Variants in RPS6KA6 observed in about 807,000 individuals in gnomAD.
RPS6KA6 encodes ribosomal protein S6 kinase alpha-6.
RPS6KA6 carries 27 observed loss-of-function variants against 65.4 expected under a neutral mutation model. The ratio of observed to expected loss-of-function variants is 0.41; its 90% CI spans 0.30 to 0.57. The LOEUF (loss-of-function observed/expected upper bound fraction) is 0.57. RPS6KA6 is among the 20% of genes least tolerant of loss of function. The pLI is 0.24. For synonymous variants in RPS6KA6, 190 were observed against 184.2 expected (o/e 1.03, Z -0.26); for missense variants, 486 against 555.6 (o/e 0.87, Z 1.26).
intron 1 of RPS6KA6, among the ~76,000 whole-genome samples, chrX:84,184,678 T>C (rs2035903897): frequency 9.2e-6 from 1 of 109,123 alleles, no homozygotes; most frequent in Non-Finnish European, 1.9e-5. Flanking sequence ...ATCAGTAAAC[T>C]ACATACTCTC....
intron 20 of RPS6KA6, among the ~76,000 whole-genome samples, chrX:84,079,389 C>G (rs1157892500): frequency 9.0e-6 from 1 of 110,687 alleles, no homozygotes; most frequent in South Asian, 3.8e-4. Context: ...ACTGGGCAGC[C>G]GTTTTTGGGC....
chrX:84,153,457 T>C (rs954124889), intron 3 of RPS6KA6, among the ~76,000 whole-genome samples: 6 of 111,588 alleles, frequency 5.4e-5, no homozygotes, highest in African/African-American at 2.0e-4. Context: ...CTTGGTGTGC[T>C]TAGGACAGAA....
intron 3 of RPS6KA6, among the ~76,000 whole-genome samples, chrX:84,151,473 G>A (rs753885145): frequency 1.8e-5 from 2 of 110,261 alleles, no homozygotes; most frequent in Non-Finnish European, 3.8e-5. Flanking sequence ...AGTATCAGTT[G>A]TTTTTCTATG....
chrX:84,097,963 C>A, intron 18 of RPS6KA6, 115 bp from the exon 19 acceptor site: 1 of 509,490 alleles, frequency 2.0e-6, no homozygotes, highest in Non-Finnish European at 3.4e-6. Context: ...AAACTTCAAT[C>A]ATTTTATGCA....
intron 3 of RPS6KA6, among the ~76,000 whole-genome samples, chrX:84,150,612 C>T (rs1293619336): frequency 1.8e-5 from 2 of 109,109 alleles, no homozygotes; most frequent in Non-Finnish European, 3.8e-5. Context: ...AGCCAGAACA[C>T]ACACACCAGT....
intron 1 of RPS6KA6, among the ~76,000 whole-genome samples, chrX:84,175,787 TTC>T (rs1347705237): frequency 3.6e-5 from 4 of 111,830 alleles, no homozygotes; most frequent in Admixed American, 9.6e-5. Flanking sequence ...GTTCAGATAT[TTC>T]TTTGTACATT....
Position 84,063,841 on chromosome X carries a change from C to A in RPS6KA6, c.*436G>T, listed in dbSNP as rs1382299993. ...TTTATAATAAGTTTTTGTTGTTTTT[C>A]TTTCATTAGAAAAAGCCTATCCTTC... On this transcript the variant is annotated 3_prime_UTR_variant, in exon 22 of 22. Transcript: ENST00000262752. 1 of 111,849 alleles carries A rather than the reference C, an allele frequency of 8.9e-6. No homozygotes were observed. The highest frequency in any genetic ancestry group is 1.9e-5 in the Non-Finnish European group (1 of 53,338). The allele number at this position is 111,849 out of a possible 1,213,427, so 9.2% of individuals were successfully genotyped here.
intron 2 of RPS6KA6, among the ~76,000 whole-genome samples, chrX:84,162,280 AT>A (rs1404141330): frequency 1.8e-5 from 2 of 111,446 alleles, no homozygotes; most frequent in Non-Finnish European, 3.8e-5. Context: ...AAAGAAAAAA[AT>A]CGTAGCTGTA....
intron 20 of RPS6KA6, among the ~76,000 whole-genome samples, chrX:84,088,179 T>G (rs1439733450): frequency 9.0e-6 from 1 of 111,242 alleles, no homozygotes; most frequent in Non-Finnish European, 1.9e-5. Context: ...ATCTCAGTCA[T>G]TTGAAGGGGA....
At chrX:84,154,091 G>A (rs777441504) in intron 3 of RPS6KA6, among the ~76,000 whole-genome samples, 6 of 110,995 alleles carry the variant, frequency 5.4e-5, no homozygotes, top group South Asian at 3.8e-4. Flanking sequence ...TGTTTAATCC[G>A]TTTCCACCTT....
chrX:84,159,073 CAT>C (rs769192976), intron 2 of RPS6KA6, among the ~76,000 whole-genome samples: 24 of 109,249 alleles, frequency 2.2e-4, no homozygotes, highest in Non-Finnish European at 2.8e-4. Flanking sequence ...CACATATACA[CAT>C]GTGTGTATGT....
chrX:84,179,283 C>T lies in RPS6KA6; in HGVS notation c.81+8536G>A, dbSNP rs779397097. Among the ~76,000 whole-genome samples the T allele has an allele frequency of 6.3e-5, 7 of 111,240 alleles. No individual in the cohort carries two copies. In the East Asian group the frequency reaches 1.4e-3, roughly 22 times the overall value. The stretch of plus-strand genomic sequence containing the variant: ...TGACAAGACTAAGTGCTGGCAAGTA[C>T]TCAGAGCAGCTGGAATTCTCACGCA... On this transcript the variant is annotated intron_variant, in intron 1 of 21. Coordinates refer to ENST00000262752, the MANE Select transcript of RPS6KA6 (RefSeq NM_014496.5).
intron 1 of RPS6KA6, among the ~76,000 whole-genome samples, chrX:84,182,659 T>C (rs2035873656): frequency 1.8e-5 from 2 of 111,822 alleles, no homozygotes; most frequent in African/African-American, 3.3e-5. Flanking sequence ...ATAGAGGACC[T>C]GCCCTGAAGG....
intron 20 of RPS6KA6, among the ~76,000 whole-genome samples, chrX:84,085,204 T>C (rs956118125): frequency 6.3e-5 from 7 of 111,578 alleles, no homozygotes; most frequent in African/African-American, 2.0e-4. Flanking sequence ...TCTTGCCTGA[T>C]TGCCCTGGCC....
intron 16 of RPS6KA6, 64 bp from the exon 17 acceptor site, chrX:84,104,721 A>G (rs2034323292): frequency 4.1e-6 from 3 of 723,087 alleles, no homozygotes; most frequent in Non-Finnish European, 5.7e-6. Context: ...TTCTTAAATT[A>G]GATTTTAATT....
chrX:84,156,246 G>A (rs937219291), intron 2 of RPS6KA6, 55 bp from the exon 3 acceptor site: 28 of 648,357 alleles, frequency 4.3e-5, no homozygotes, highest in Middle Eastern at 3.1e-4. Flanking sequence ...CTTCTGATTA[G>A]TTCCATTTAA....
chrX:84,118,447 A>G (rs768098137), intron 9 of RPS6KA6, among the ~76,000 whole-genome samples: 2 of 111,468 alleles, frequency 1.8e-5, no homozygotes, highest in Non-Finnish European at 3.8e-5. Context: ...TAGTTAATAT[A>G]TACGTATTAA....
rs2033487886 is a variant in RPS6KA6, at chrX:84,069,633, C to G, written c.1972-4522G>C. Among the ~76,000 whole-genome samples the G allele has an allele frequency of 1.8e-5, 2 of 111,730 alleles. 1 individual carries two copies. The highest frequency in any genetic ancestry group is 7.4e-4 in the South Asian group (2 of 2,686). On this transcript the variant is annotated intron_variant, in intron 20 of 21. Coordinates refer to ENST00000262752, the MANE Select transcript of RPS6KA6 (RefSeq NM_014496.5). ...ATCATTGGAGTGAACAGGCAACCTACAGAAGGGGAGAAAATTTTTGCAATC... is the reference window on the plus strand; with the variant it reads ...ATCATTGGAGTGAACAGGCAACCTAGAGAAGGGGAGAAAATTTTTGCAATC...
intron 20 of RPS6KA6, among the ~76,000 whole-genome samples, chrX:84,072,582 T>C (rs1194124847): frequency 9.0e-6 from 1 of 111,586 alleles, no homozygotes; most frequent in Non-Finnish European, 1.9e-5. Context: ...ATAAGGGGCA[T>C]GCAAATTGGA....
Sources: allele counts gnomAD v4.1 joint callset (sites outside exome capture counted in the v4.1 genomes callset), GRCh38; gene constraint gnomAD v4.1.1; transcripts MANE v1.5; gene names NCBI Gene and HGNC (gene_info 2026-07-23, HGNC 2026-07-21).